The following KCND2 variants were observed in gnomAD, a reference collection of about 807,000 sequenced individuals.
KCND2 encodes A-type voltage-gated potassium channel KCND2.
KCND2 carries 16 observed loss-of-function variants against 54.4 expected under a neutral mutation model. That is an observed-to-expected ratio of 0.29 (90% CI 0.20 to 0.45). KCND2 has a LOEUF of 0.45. Among genes scored for constraint, KCND2 ranks in the 20% least tolerant of loss-of-function variants. The pLI, the probability that KCND2 is intolerant of heterozygous loss-of-function variation, is 1.00. For missense variants in KCND2, 486 were observed against 824.2 expected (o/e 0.59, Z 5.02); for synonymous variants, 317 against 310.7 (o/e 1.02, Z -0.21).
intron 1 of KCND2, among the ~76,000 whole-genome samples, chr7:120,586,816 A>G (rs1329872545): frequency 6.6e-6 from 1 of 152,092 alleles, no homozygotes; most frequent in African/African-American, 2.4e-5. Flanking sequence ...TTTCATTTAG[A>G]CTAGAACTAC....
intron 1 of KCND2, among the ~76,000 whole-genome samples, chr7:120,309,006 T>C (rs1799688764): frequency 6.6e-6 from 1 of 152,124 alleles, no homozygotes; most frequent in African/African-American, 2.4e-5. Context: ...TTTTAAGAAA[T>C]GGCCTGGGAA....
chr7:120,349,025 G>A (rs1045127687), intron 1 of KCND2, among the ~76,000 whole-genome samples: 5 of 152,048 alleles, frequency 3.3e-5, no homozygotes, highest in Non-Finnish European at 5.9e-5. Flanking sequence ...CTGTGGTATA[G>A]CTTCCCAAGA....
At chr7:120,579,887 G>C (rs1792493475) in intron 1 of KCND2, among the ~76,000 whole-genome samples, 1 of 152,108 alleles carries the variant, frequency 6.6e-6, no homozygotes, top group Non-Finnish European at 1.5e-5. Flanking sequence ...GCTTTTGTTA[G>C]GATTATGGAG....
intron 1 of KCND2, among the ~76,000 whole-genome samples, chr7:120,423,237 C>T (rs1226087178): frequency 6.6e-6 from 1 of 152,184 alleles, no homozygotes; most frequent in African/African-American, 2.4e-5. Context: ...TAAACTTCAC[C>T]TTCCTGTATT....
In KCND2 at chr7:120,748,873, T is replaced by G. The variant is rs900024851; in HGVS notation, c.*1015T>G. On this transcript the variant is annotated 3_prime_UTR_variant, in exon 6 of 6. Coordinates refer to ENST00000331113, the MANE Select transcript of KCND2 (RefSeq NM_012281.3). Reference sequence around the variant, plus strand: ...TATCATCATCAACAAGACTACTGTTTACTGTAGTTCAAGTGACTTTCCTAC... The same window carrying G: ...TATCATCATCAACAAGACTACTGTTGACTGTAGTTCAAGTGACTTTCCTAC... 1.3e-5 allele frequency: 2 copies of G among 151,976 alleles called. No homozygotes were observed. Among genetic ancestry groups the G allele is most frequent in the Admixed American group, 6.6e-5 (1 of 15,224 alleles). The allele number at this position is 151,976 out of a possible 1,614,324, so 9.4% of individuals were successfully genotyped here.
intron 1 of KCND2, among the ~76,000 whole-genome samples, chr7:120,366,658 A>G (rs1800686432): frequency 6.6e-6 from 1 of 152,122 alleles, no homozygotes; most frequent in Admixed American, 6.6e-5. Context: ...CTGGAACCCA[A>G]CATGTGACAG....
intron 1 of KCND2, among the ~76,000 whole-genome samples, chr7:120,318,576 C>T (rs973901567): frequency 6.6e-6 from 1 of 151,986 alleles, no homozygotes; most frequent in East Asian, 1.9e-4. Flanking sequence ...GTTCATTTGG[C>T]CTGGAAAATT....
At chr7:120,601,094 T>C (rs933958141) in intron 1 of KCND2, among the ~76,000 whole-genome samples, 3 of 152,130 alleles carry the variant, frequency 2.0e-5, no homozygotes, top group South Asian at 2.1e-4. Flanking sequence ...CAAACCCTTA[T>C]GCTAGGTGCT....
intron 1 of KCND2, among the ~76,000 whole-genome samples, chr7:120,691,113 T>A (rs1391711168): frequency 6.6e-6 from 1 of 152,164 alleles, no homozygotes; most frequent in East Asian, 1.9e-4. Flanking sequence ...TAACACTGAG[T>A]GGGCCAGGGA....
intron 1 of KCND2, among the ~76,000 whole-genome samples, chr7:120,569,918 CA>C (rs1792341729): frequency 6.6e-6 from 1 of 152,070 alleles, no homozygotes; most frequent in African/African-American, 2.4e-5. Flanking sequence ...CTTTCGGACA[CA>C]GATTGATTTT....
chr7:120,680,585 C>T (rs1792126926), intron 1 of KCND2, among the ~76,000 whole-genome samples: 1 of 152,116 alleles, frequency 6.6e-6, no homozygotes, highest in Non-Finnish European at 1.5e-5. Context: ...CCTTCTCCAG[C>T]CACCCGATGC....
chr7:120,736,291 T>C (rs936546546), intron 2 of KCND2, among the ~76,000 whole-genome samples: 2 of 152,088 alleles, frequency 1.3e-5, no homozygotes, highest in African/African-American at 4.8e-5. Context: ...TCCTGCCATA[T>C]ACAGGGAATA....
chr7:120,502,757 C>CT (rs1253169876), intron 1 of KCND2, among the ~76,000 whole-genome samples: 1 of 152,018 alleles, frequency 6.6e-6, no homozygotes, highest in African/African-American at 2.4e-5. Context: ...GTGCTGGACT[C>CT]TAATTTTATT....
At chr7:120,551,619 T>C (rs1163174645) in intron 1 of KCND2, among the ~76,000 whole-genome samples, 1 of 152,154 alleles carries the variant, frequency 6.6e-6, no homozygotes, top group Admixed American at 6.6e-5. Flanking sequence ...TAAAAAAAAT[T>C]GTCACAAAAT....
chr7:120,533,024 C>A (rs1270751570), intron 1 of KCND2, among the ~76,000 whole-genome samples: 3 of 152,046 alleles, frequency 2.0e-5, no homozygotes, highest in Non-Finnish European at 4.4e-5. Context: ...CCTTTTACTT[C>A]TCTGTAGTTA....
At chr7:120,368,151 G>A (rs759033790) in intron 1 of KCND2, among the ~76,000 whole-genome samples, 1 of 152,018 alleles carries the variant, frequency 6.6e-6, no homozygotes, top group Non-Finnish European at 1.5e-5. Flanking sequence ...TGGCTTCAAT[G>A]AAAGAAATTT....
At chr7:120,469,698 G>A (rs1802426047) in intron 1 of KCND2, among the ~76,000 whole-genome samples, 1 of 152,038 alleles carries the variant, frequency 6.6e-6, no homozygotes, top group Non-Finnish European at 1.5e-5. Context: ...CTGTGAACTG[G>A]GGTGAAATAG....
intron 2 of KCND2, among the ~76,000 whole-genome samples, chr7:120,734,808 GTGTTA>G (rs1394314932): frequency 6.6e-6 from 1 of 152,092 alleles, no homozygotes; most frequent in East Asian, 1.9e-4. Flanking sequence ...CCTAGGTGAT[GTGTTA>G]TAACTACAAA....
intron 1 of KCND2, among the ~76,000 whole-genome samples, chr7:120,469,810 A>G (rs1802428140): frequency 6.6e-6 from 1 of 152,132 alleles, no homozygotes; most frequent in Non-Finnish European, 1.5e-5. Flanking sequence ...ATAAAAAGCT[A>G]CCAGACTAAC....
Sources: allele counts gnomAD v4.1 joint callset (sites outside exome capture counted in the v4.1 genomes callset), GRCh38; gene constraint gnomAD v4.1.1; transcripts MANE v1.5; gene names NCBI Gene and HGNC (gene_info 2026-07-23, HGNC 2026-07-21).